TRNT1: variants seen among roughly 807,000 people sequenced by gnomAD.
TRNT1 encodes tRNA nucleotidyl transferase 1, also known as CCA tRNA nucleotidyltransferase 1, mitochondrial.
Under a neutral mutation model 45.6 loss-of-function variants are expected in TRNT1, and 44 were observed. That is an observed-to-expected ratio of 0.97 (90% CI 0.76 to 1.24). The LOEUF is 1.24. TRNT1 is among the 50% of genes most tolerant of loss of function. TRNT1 has a pLI of 0.00. For missense variants in TRNT1, 633 were observed against 504.4 expected, an observed-to-expected ratio of 1.25 and a Z score of -2.44; for synonymous variants, 201 against 171.4, an observed-to-expected ratio of 1.17 and a Z score of -1.35.
At chr3:3,142,732 G>A (rs1049938782) in intron 4 of TRNT1, among the ~76,000 whole-genome samples, 1 of 151,962 alleles carries the variant, frequency 6.6e-6, no homozygotes, top group Non-Finnish European at 1.5e-5. Flanking sequence ...TCCAAATTTT[G>A]ATCTTGCCTT....
intron 5 of TRNT1, 63 bp downstream of exon 5, chr3:3,144,773 C>G: frequency 7.1e-7 from 1 of 1,401,226 alleles, no homozygotes; most frequent in Non-Finnish European, 9.5e-7. Flanking sequence ...TAACAGTGGT[C>G]ATACGAAACC....
chr3:3,140,694 T>G, intron 4 of TRNT1, 46 bp downstream of exon 4: 4 of 1,583,060 alleles, frequency 2.5e-6, no homozygotes, highest in Non-Finnish European at 3.4e-6. Context: ...TCAGAATGCC[T>G]TCTTTTCAAG....
intron 3 of TRNT1, among the ~76,000 whole-genome samples, chr3:3,140,225 A>C (rs989682816): frequency 5.9e-5 from 9 of 152,152 alleles, no homozygotes; most frequent in Admixed American, 6.5e-5. Flanking sequence ...TTTGATGTGG[A>C]GTTTCTCCAC....
At chr3:3,144,966 T>A (rs185827223) in intron 5 of TRNT1, 1 of 228,000 alleles carries the variant, frequency 4.4e-6, no homozygotes, top group East Asian at 1.2e-4. Context: ...AAATGTCCAT[T>A]TTTCTTTTTG....
At chr3:3,147,341 T>G (rs1468153838) in intron 6 of TRNT1, 109 bp from the exon 7 acceptor site, 1 of 1,242,516 alleles carries the variant, frequency 8.0e-7, no homozygotes, top group African/African-American at 1.5e-5. Context: ...CTATATAATG[T>G]ATCCTAGTGA....
chr3:3,146,186 T>C (rs1341716055), intron 5 of TRNT1, among the ~76,000 whole-genome samples: 1 of 151,832 alleles, frequency 6.6e-6, no homozygotes, highest in Non-Finnish European at 1.5e-5. Flanking sequence ...CTTGAAGTTT[T>C]AGTTCTTGCT....
At chr3:3,144,080 C>T (rs944736388) in intron 4 of TRNT1, among the ~76,000 whole-genome samples, 4 of 152,186 alleles carry the variant, frequency 2.6e-5, no homozygotes, top group African/African-American at 9.7e-5. Flanking sequence ...GCCATACAGG[C>T]ATATTTCATT....
rs149940410 is a variant in TRNT1 at position 3,137,682 on chromosome 3, T to G, written c.342+229T>G. On this transcript the variant is annotated intron_variant, in intron 3 of 7. Transcript: ENST00000251607. ...GCTACGGGTATTTACTTTTCAGTTTTTACTATCCCAGTTTTAAGATGTGTT... is the reference window on the plus strand; with the variant it reads ...GCTACGGGTATTTACTTTTCAGTTTGTACTATCCCAGTTTTAAGATGTGTT... 8.1e-4 allele frequency among the ~76,000 whole-genome samples: 122 copies of G among 151,104 alleles called. 1 individual carries two copies. In the East Asian group the frequency reaches 0.018, roughly 22 times the overall value.
intron 4 of TRNT1, among the ~76,000 whole-genome samples, chr3:3,141,076 A>T (rs1705619231): frequency 6.6e-6 from 1 of 152,214 alleles, no homozygotes; most frequent in African/African-American, 2.4e-5. Flanking sequence ...CATCTCAAAA[A>T]AAAAGAATAG....
At chr3:3,128,342 AT>A (rs1704736926) in intron 1 of TRNT1, among the ~76,000 whole-genome samples, 1 of 152,196 alleles carries the variant, frequency 6.6e-6, no homozygotes, top group Non-Finnish European at 1.5e-5. Flanking sequence ...CACGCCTGTA[AT>A]CCCAGCACTT....
In TRNT1 at chr3:3,148,328, C is replaced by G. The variant is rs911025605; in HGVS notation, c.*174C>G. 2 of 622,098 alleles carry G rather than the reference C, an allele frequency of 3.2e-6. No individual in the cohort carries two copies. The highest frequency in any genetic ancestry group is 3.7e-5 in the African/African-American group (2 of 54,134). 38.5% of individuals were successfully genotyped at this position (622,098 alleles called of 1,614,324 possible). A position where few individuals can be genotyped will look rare whatever the true frequency, so the allele number is the denominator to read the frequency against. On this transcript the variant is annotated 3_prime_UTR_variant, in exon 8 of 8. Transcript: ENST00000251607. ...ATTTCAAGAACTAAACAGAGATCCA[C>G]CTTTCTGGATCTGATTTATATCACT... is the stretch of plus-strand genomic sequence containing the variant.
At chr3:3,138,835 CTT>C (rs2126020006) in intron 3 of TRNT1, among the ~76,000 whole-genome samples, 1 of 152,260 alleles carries the variant, frequency 6.6e-6, no homozygotes, top group African/African-American at 2.4e-5. Flanking sequence ...TTGACAGTGT[CTT>C]TGTTTCCTCC....
At chr3:3,149,545 G>A (rs1307528193), downstream of TRNT1, 1 of 152,050 alleles carries the variant, frequency 6.6e-6, no homozygotes, top group East Asian at 1.9e-4. Context: ...AGCCTACAGA[G>A]AGGTACTATG....
chr3:3,131,031 A>C (rs796267728), intron 2 of TRNT1, among the ~76,000 whole-genome samples: 1 of 151,816 alleles, frequency 6.6e-6, no homozygotes. Flanking sequence ...CGGTAAGCCG[A>C]GATTGTGCCA....
intron 3 of TRNT1, among the ~76,000 whole-genome samples, chr3:3,140,028 CT>C (rs1300571628): frequency 6.6e-6 from 1 of 152,168 alleles, no homozygotes; most frequent in Non-Finnish European, 1.5e-5. Flanking sequence ...CACCCCCAGC[CT>C]TTATTTTAAT....
downstream of TRNT1, among the ~76,000 whole-genome samples, chr3:3,151,222 A>C (rs1449462794): frequency 6.6e-6 from 1 of 152,188 alleles, no homozygotes; most frequent in Non-Finnish European, 1.5e-5. Context: ...ACATTTTCTA[A>C]TTTTGTAATA....
At chr3:3,150,222 C>T (rs1706412983), downstream of TRNT1, 1 of 152,296 alleles carries the variant, frequency 6.6e-6, no homozygotes. Context: ...AGCAAATACA[C>T]AATACTACTT....
Position 3,129,166 on chromosome 3 carries a change from A to G in TRNT1, c.126A>G (p.Thr42=). The stretch of plus-strand genomic sequence containing the variant: ...CTCCCGAATTCCAGTCACTTTTCAC[A>G]GAAGGACTGAAGAGTCTGACAGGTG... ...LQSPEFQSLF[T]EGLKSLTELF... The change falls in exon 2 of 8, where the codon ACA becomes ACG. Residue 42 remains threonine (T), a synonymous_variant. Transcript: ENST00000251607. 1 of 1,614,118 alleles carries G rather than the reference A, an allele frequency of 6.2e-7. No homozygotes were observed. Among genetic ancestry groups the G allele is most frequent in the Non-Finnish European group, 8.5e-7 (1 of 1,179,938 alleles).
At chr3:3,152,511 C>A, downstream of TRNT1, 1 of 1,613,990 alleles carries the variant, frequency 6.2e-7, no homozygotes. Flanking sequence ...AAGTTGCAAG[C>A]CTTATACACA....
Sources: allele counts gnomAD v4.1 joint callset (sites outside exome capture counted in the v4.1 genomes callset), GRCh38; gene constraint gnomAD v4.1.1; transcripts MANE v1.5; gene names NCBI Gene and HGNC (gene_info 2026-07-23, HGNC 2026-07-21).